FRMPD4: variants seen among roughly 807,000 people sequenced by gnomAD.
FRMPD4 encodes the protein FERM and PDZ domain-containing protein 4.
In FRMPD4, 22 loss-of-function variants were observed where a neutral mutation model predicts 94.1. The ratio of observed to expected loss-of-function variants is 0.23; its 90% CI spans 0.17 to 0.33. The LOEUF (loss-of-function observed/expected upper bound fraction) is 0.33, where lower values mean the gene tolerates loss of function less well. FRMPD4 is among the 10% of genes least tolerant of loss of function. The pLI, the probability that FRMPD4 is intolerant of heterozygous loss-of-function variation, is 1.00. For missense variants in FRMPD4, 1,111 were observed against 1,339.9 expected (o/e 0.83, Z 2.67); for synonymous variants, 631 against 548.6 (o/e 1.15, Z -2.10).
intron 2 of FRMPD4, among the ~76,000 whole-genome samples, chrX:12,569,241 C>T (rs1020984358): frequency 4.5e-5 from 5 of 110,640 alleles, no homozygotes; most frequent in Non-Finnish European, 7.5e-5. Flanking sequence ...ATAAAGCAGA[C>T]GAAGACAACA....
intron 1 of FRMPD4, among the ~76,000 whole-genome samples, chrX:12,427,857 A>G (rs1227129772): frequency 1.2e-5 from 1 of 84,906 alleles, no homozygotes; most frequent in Non-Finnish European, 2.4e-5. Flanking sequence ...TTGACTTTTT[A>G]TTATGACAGA....
chrX:12,475,390 T>C (rs2057581645), intron 1 of FRMPD4, among the ~76,000 whole-genome samples: 1 of 111,737 alleles, frequency 8.9e-6, no homozygotes, highest in South Asian at 3.8e-4. Context: ...GCATTCCCTT[T>C]GAAAACTGGC....
intron 3 of FRMPD4, among the ~76,000 whole-genome samples, chrX:12,048,843 A>G (rs1266113817): frequency 1.8e-5 from 2 of 111,305 alleles, no homozygotes; most frequent in Non-Finnish European, 3.8e-5. Flanking sequence ...CCATTGGTCT[A>G]TGTGTCTATT....
chrX:12,625,251 T>C (rs2059334807), intron 4 of FRMPD4, among the ~76,000 whole-genome samples: 1 of 110,990 alleles, frequency 9.0e-6, no homozygotes, highest in Non-Finnish European at 1.9e-5. Context: ...AAACTAAAAA[T>C]AGAACTACCA....
intron 5 of FRMPD4, among the ~76,000 whole-genome samples, chrX:12,680,666 G>A (rs1173883050): frequency 1.8e-5 from 2 of 112,071 alleles, no homozygotes; most frequent in Non-Finnish European, 3.8e-5. Context: ...TTCAAATTGT[G>A]TATAAAATAA....
At chrX:11,854,545 G>T (rs1400993030) in intron 1 of FRMPD4, among the ~76,000 whole-genome samples, 1 of 112,319 alleles carries the variant, frequency 8.9e-6, no homozygotes, top group African/African-American at 3.2e-5. Flanking sequence ...GGGGGTATAG[G>T]CATTGGGTAA....
At chrX:12,552,506 T>C (rs1035730848) in intron 2 of FRMPD4, among the ~76,000 whole-genome samples, 6 of 111,973 alleles carry the variant, frequency 5.4e-5, no homozygotes, top group Non-Finnish European at 9.4e-5. Context: ...TGGTTAAATA[T>C]ATTTTGCAGT....
At chrX:12,231,575 T>A (rs1312366961) in intron 1 of FRMPD4, among the ~76,000 whole-genome samples, 1 of 111,044 alleles carries the variant, frequency 9.0e-6, no homozygotes, top group Non-Finnish European at 1.9e-5. Context: ...TGCCAGACAC[T>A]CACTTGCACG....
At chrX:12,082,752 G>A (rs760736956) in intron 3 of FRMPD4, among the ~76,000 whole-genome samples, 6 of 111,497 alleles carry the variant, frequency 5.4e-5, no homozygotes, top group African/African-American at 9.8e-5. Context: ...TGAAGATGAG[G>A]AACTTGGGAA....
intron 1 of FRMPD4, among the ~76,000 whole-genome samples, chrX:12,193,935 AGTCTTTTGAGGTCCGTGAATTACTT>A (rs1249388633): frequency 9.2e-6 from 1 of 108,451 alleles, no homozygotes; most frequent in East Asian, 2.9e-4. Flanking sequence ...TGTACTACTT[AGTCTTTTGAGGTCCGTGAATTACTT>A]GTACAGTACC....
intron 3 of FRMPD4, among the ~76,000 whole-genome samples, chrX:11,957,525 CAAAAT>C (rs773502928): frequency 2.3e-4 from 25 of 108,416 alleles, no homozygotes; most frequent in African/African-American, 6.4e-4. Context: ...GACCCTGTCT[CAAAAT>C]AAAATAAAAT....
intron 13 of FRMPD4, among the ~76,000 whole-genome samples, chrX:12,709,543 T>G: frequency 8.9e-6 from 1 of 111,746 alleles, no homozygotes; most frequent in Middle Eastern, 4.6e-3. Context: ...TTTACCCTCC[T>G]GTAAATTTAC....
chrX:12,166,110 G>A (rs1180561461), intron 1 of FRMPD4, among the ~76,000 whole-genome samples: 2 of 111,657 alleles, frequency 1.8e-5, no homozygotes, highest in Non-Finnish European at 3.8e-5. Flanking sequence ...GGTGAGAGAG[G>A]GCATCCCTGT....
chrX:12,114,920 A>G (rs2055395716), intron 3 of FRMPD4, among the ~76,000 whole-genome samples: 1 of 112,447 alleles, frequency 8.9e-6, no homozygotes, highest in Non-Finnish European at 1.9e-5. Context: ...ATAGCACAGT[A>G]CATGTAACCT....
chrX:12,141,285 A>C (rs185539349), intron 1 of FRMPD4, among the ~76,000 whole-genome samples: 55 of 111,676 alleles, frequency 4.9e-4, no homozygotes, highest in African/African-American at 1.8e-3. Flanking sequence ...TTAGAGGCAA[A>C]CACATGTAGT....
At chrX:12,174,774 A>G (rs774030201) in intron 1 of FRMPD4, among the ~76,000 whole-genome samples, 2 of 112,184 alleles carry the variant, frequency 1.8e-5, no homozygotes, top group Non-Finnish European at 3.8e-5. Context: ...ATTGATATCA[A>G]TACCTTGTTT....
intron 3 of FRMPD4, among the ~76,000 whole-genome samples, chrX:11,945,866 C>T (rs1164525280): frequency 8.9e-6 from 1 of 111,781 alleles, no homozygotes; most frequent in Non-Finnish European, 1.9e-5. Context: ...TTGGAGGAGA[C>T]AAATATCCAA....
chrX:12,191,905 A>G lies in FRMPD4; in HGVS notation c.41+52893A>G, dbSNP rs755321228. On this transcript the variant is annotated intron_variant, in intron 1 of 16. Coordinates refer to ENST00000675598, the MANE Select transcript of FRMPD4 (RefSeq NM_001368397.1). ...GATAATGATGTGTCACTGTAGGTAT[A>G]TTGATTGTAATAAATGTACCACTGT... 4.5e-5 allele frequency among the ~76,000 whole-genome samples: 5 copies of G among 111,784 alleles called. No homozygotes were observed. The South Asian group carries it at 1.9e-3, about 42-fold the overall frequency.
chrX:12,123,123 CTTTTT>C (rs58251577), intron 3 of FRMPD4, among the ~76,000 whole-genome samples: 8 of 84,329 alleles, frequency 9.5e-5, no homozygotes, highest in African/African-American at 3.5e-4. Flanking sequence ...ATTTTCTTTT[CTTTTT>C]TTTTTTTTTT....
Sources: allele counts gnomAD v4.1 joint callset (sites outside exome capture counted in the v4.1 genomes callset), GRCh38; gene constraint gnomAD v4.1.1; transcripts MANE v1.5; gene names NCBI Gene and HGNC (gene_info 2026-07-23, HGNC 2026-07-21).